ACOT7: variants seen among roughly 807,000 people sequenced by gnomAD.
The protein encoded by ACOT7 is acyl-CoA thioesterase 7.
In ACOT7, 12 loss-of-function variants were observed where a neutral mutation model predicts 40.2. The observed-to-expected ratio is 0.30, with a 90% confidence interval of 0.19 to 0.48. The LOEUF (loss-of-function observed/expected upper bound fraction) is 0.48. Among genes scored for constraint, ACOT7 ranks in the 20% least tolerant of loss-of-function variants. ACOT7 has a pLI of 0.99. For missense variants in ACOT7, 395 were observed against 530.8 expected, an observed-to-expected ratio of 0.74 and a Z score of 2.51; for synonymous variants, 228 against 219.5, an observed-to-expected ratio of 1.04 and a Z score of -0.34.
At position 6,393,239 on chromosome 1, in the gene ACOT7, G is replaced by A; in HGVS notation, c.143+18C>T. 1 of 1,274,232 alleles carries A rather than the reference G, an allele frequency of 7.8e-7. No homozygotes were observed. The highest frequency in any genetic ancestry group is 9.9e-7 in the Non-Finnish European group (1 of 1,009,462). 78.9% of individuals were successfully genotyped at this position (1,274,232 alleles called of 1,614,324 possible). A position where few individuals can be genotyped will look rare whatever the true frequency, so the allele number is the denominator to read the frequency against. On this transcript the variant is annotated intron_variant, in intron 1 of 8. Transcript: ENST00000361521. ...GGCGCGCCTGGCCGCTGCAGGCTGC[G>A]CGCGGGCCCTCTCTTACCGGCAGAT...
At chr1:6,331,454 G>T (rs1452028901) in intron 4 of ACOT7, among the ~76,000 whole-genome samples, 1 of 152,220 alleles carries the variant, frequency 6.6e-6, no homozygotes, top group African/African-American at 2.4e-5. Flanking sequence ...CCTCGCCTGG[G>T]GCCAATGGAG....
At chr1:6,336,109 G>A (rs1272496658) in intron 3 of ACOT7, among the ~76,000 whole-genome samples, 1 of 152,196 alleles carries the variant, frequency 6.6e-6, no homozygotes, top group African/African-American at 2.4e-5. Flanking sequence ...CACTCTGGCA[G>A]GCCGAGGCAG....
At chr1:6,339,977 TG>T (rs1450489282) in intron 2 of ACOT7, among the ~76,000 whole-genome samples, 7 of 149,076 alleles carry the variant, frequency 4.7e-5, no homozygotes, top group Admixed American at 2.7e-4. Context: ...TTTTGTTTTT[TG>T]TTTTTGAGAT....
At chr1:6,387,832 G>A (rs1010470498) in intron 1 of ACOT7, among the ~76,000 whole-genome samples, 26 of 152,166 alleles carry the variant, frequency 1.7e-4, no homozygotes, top group African/African-American at 6.0e-4. Flanking sequence ...CTTCACCCAG[G>A]GTCCACACAT....
chr1:6,283,931 G>A (rs1265950448), intron 7 of ACOT7, among the ~76,000 whole-genome samples: 1 of 152,180 alleles, frequency 6.6e-6, no homozygotes, highest in Non-Finnish European at 1.5e-5. Flanking sequence ...GGAGGTCGAG[G>A]TTGCAGTCAG....
chr1:6,294,753 G>T lies in ACOT7; in HGVS notation c.829+111C>A. 1.3e-6 allele frequency: 1 copy of T among 767,570 alleles called. No homozygotes were observed. 47.5% of individuals were successfully genotyped at this position (767,570 alleles called of 1,614,324 possible). ...GCTTCCTGTTCCCTGTGGCAGATGG[G>T]CACACACCAAGGCCCACATGACCCT... On this transcript the variant is annotated intron_variant, in intron 7 of 8. Transcript: ENST00000361521. The surrounding 1 kb of genome is among the most constrained non-coding windows in gnomAD (Gnocchi z 4.6).
Position 6,281,102 on chromosome 1 carries a change from C to T in ACOT7, c.1014G>A (p.Val338=). ...CGCCGTTCCAAGGATGCGCACTCAC[C>T]ACCAGCTGGGGCACAGGCAGCGACC... The part of the protein sequence containing the change: ...EGRSLPVPQL[V]PETEDEKKRF... Residue 338 remains valine, a splice_region_variant and synonymous_variant, in exon 8 of 9, where the codon GTG becomes GTA. Transcript: ENST00000361521. 3.7e-6 allele frequency: 6 copies of T among 1,613,082 alleles called. 1 individual carries two copies. In the South Asian group the frequency reaches 4.4e-5, roughly 12 times the overall value.
At position 6,359,278 on chromosome 1, in the gene ACOT7, T is replaced by G. The variant is rs1165935970; in HGVS notation, c.144-9412A>C. The stretch of plus-strand genomic sequence containing the variant: ...CCCACTGCCGCCTTCTAGAGCTCCC[T>G]GAAATGTAGACAGGGGAGGAAGGTC... On this transcript the variant is annotated intron_variant, in intron 1 of 8. Coordinates refer to ENST00000361521, the MANE Select transcript of ACOT7 (RefSeq NM_007274.4). The surrounding 1 kb of genome is among the most constrained non-coding windows in gnomAD (Gnocchi z 4.1). 6.1e-6 allele frequency: 1 copy of G among 163,258 alleles called. No homozygotes were observed. Among genetic ancestry groups the G allele is most frequent in the Non-Finnish European group, 1.3e-5 (1 of 75,074 alleles). The allele number at this position is 163,258 out of a possible 1,614,324, so 10.1% of individuals were successfully genotyped here. A position where few individuals can be genotyped will look rare whatever the true frequency, so the allele number is the denominator to read the frequency against.
At chr1:6,333,335 G>T in intron 4 of ACOT7, 142 bp downstream of exon 4, 1 of 871,392 alleles carries the variant, frequency 1.1e-6, no homozygotes, top group Non-Finnish European at 1.8e-6. Context: ...GACACTGCCT[G>T]CTGGCGGACC....
chr1:6,349,834 C>G lies in ACOT7; in HGVS notation c.176G>C (p.Gly59Ala), dbSNP rs1428486866. 6.2e-7 allele frequency: 1 copy of G among 1,614,146 alleles called. No homozygotes were observed. The highest frequency in any genetic ancestry group is 1.3e-5 in the African/African-American group (1 of 75,064). The change falls in exon 2 of 9, where the codon GGC (glycine) becomes GCC (alanine). Residue 59 changes from glycine to alanine, a missense_variant. Gly to Ala is a moderately conservative substitution (Grantham distance 60, BLOSUM62 0). This residue lies in a region of ACOT7 where 309 missense variants were observed against 470.3 expected (regional missense o/e 0.66). Transcript: ENST00000361521. ...CAGGATGGTCCCCCCGTGGACATTG[C>G]CGGCCACGTTGGCATCATCTGGCCG... ...IMRPDDANVA[G>A]NVHGGTILKM...
chr1:6,303,684 TA>T (rs1640033452), intron 6 of ACOT7, among the ~76,000 whole-genome samples: 1 of 152,216 alleles, frequency 6.6e-6, no homozygotes, highest in African/African-American at 2.4e-5. Context: ...CATCTTGTTT[TA>T]AATACCCCAC....
Position 6,289,532 on chromosome 1 carries a change from G to A in ACOT7, c.829+5332C>T, listed in dbSNP as rs1279394087. Among the ~76,000 whole-genome samples, 2 of 151,686 alleles carry A rather than the reference G, an allele frequency of 1.3e-5. No individual in the cohort carries two copies. Among genetic ancestry groups the A allele is most frequent in the South Asian group, 2.1e-4 (1 of 4,804 alleles). ...TCCTCCTCCCTTAGCTTCCTGAGTA[G>A]CCCAGATAATTTTTAAATTTTTGTA... On this transcript the variant is annotated intron_variant, in intron 7 of 8. Coordinates refer to ENST00000361521, the MANE Select transcript of ACOT7 (RefSeq NM_007274.4). The surrounding 1 kb of genome is among the most constrained non-coding windows in gnomAD (Gnocchi z 4.6).
chr1:6,377,534 T>C (rs1642255695), intron 1 of ACOT7, among the ~76,000 whole-genome samples: 1 of 152,178 alleles, frequency 6.6e-6, no homozygotes, highest in African/African-American at 2.4e-5. Context: ...AACTTCAGGC[T>C]GGTTTATGAG....
chr1:6,383,024 G>T (rs557596574), intron 1 of ACOT7, among the ~76,000 whole-genome samples: 9 of 148,034 alleles, frequency 6.1e-5, no homozygotes, highest in Non-Finnish European at 1.2e-4. Context: ...GACTACAGGC[G>T]TGGGCTACCA....
Position 6,359,985 on chromosome 1 carries a change from T to TA in ACOT7, c.144-10120dup, listed in dbSNP as rs1314505600. 3.3e-5 allele frequency among the ~76,000 whole-genome samples: 5 copies of TA among 152,344 alleles called. No homozygotes were observed. In the East Asian group the frequency reaches 9.6e-4, roughly 29 times the overall value. Reference sequence around the variant, plus strand: ...TGCCAGAGCCTGGGCTTATTCTATCTAACCAGCTGGCAGGCACTGAGCCTG... The same window carrying TA: ...TGCCAGAGCCTGGGCTTATTCTATCTAAACCAGCTGGCAGGCACTGAGCCTG... On this transcript the variant is annotated intron_variant, in intron 1 of 8. Coordinates refer to ENST00000361521, the MANE Select transcript of ACOT7 (RefSeq NM_007274.4). The surrounding 1 kb of genome is among the most constrained non-coding windows in gnomAD (Gnocchi z 4.1).
In ACOT7 at chr1:6,385,811, C is replaced by T. The variant is rs1367269095; in HGVS notation, c.143+7446G>A. 4.2e-6 allele frequency: 6 copies of T among 1,412,862 alleles called. No homozygotes were observed. The African/African-American group carries it at 4.4e-5, about 10-fold the overall frequency. 87.5% of individuals were successfully genotyped at this position (1,412,862 alleles called of 1,614,324 possible). A position where few individuals can be genotyped will look rare whatever the true frequency, so the allele number is the denominator to read the frequency against. The stretch of plus-strand genomic sequence containing the variant: ...CACCAGGCTCCTGCTCCTCCTAGGA[C>T]CGCCCCTCCCCCACCAGCCCCCGGC... On this transcript the variant is annotated intron_variant, in intron 1 of 8. Transcript: ENST00000361521.
chr1:6,284,674 G>A (rs1033495818), intron 7 of ACOT7, among the ~76,000 whole-genome samples: 10 of 147,056 alleles, frequency 6.8e-5, no homozygotes, highest in East Asian at 6.2e-4. Context: ...AATCCTCTCC[G>A]CCTCCTCCAG....
At chr1:6,379,738 A>G (rs1428469096) in intron 1 of ACOT7, among the ~76,000 whole-genome samples, 1 of 151,816 alleles carries the variant, frequency 6.6e-6, no homozygotes, top group Admixed American at 6.6e-5. Context: ...CTGGGATTAC[A>G]GATGTGAGCC....
intron 5 of ACOT7, 21 bp from the exon 6 acceptor site, chr1:6,318,599 G>T: frequency 6.2e-7 from 1 of 1,611,394 alleles, no homozygotes; most frequent in Non-Finnish European, 8.5e-7. Context: ...AAAAGAGAGA[G>T]ATTAGTTATG....
Sources: allele counts gnomAD v4.1 joint callset (sites outside exome capture counted in the v4.1 genomes callset), GRCh38; gene constraint gnomAD v4.1.1; regional missense constraint gnomAD v4.1.1; non-coding constraint Gnocchi (gnomAD v3.1); transcripts MANE v1.5; gene names NCBI Gene and HGNC (gene_info 2026-07-23, HGNC 2026-07-21).